APOL6: variants seen among roughly 807,000 people sequenced by gnomAD.
The protein encoded by APOL6 is apolipoprotein L, 6.
APOL6 carries 1 observed loss-of-function variant against 2.4 expected under a neutral mutation model. The observed-to-expected ratio is 0.41, with a 90% CI of 0.15 to 1.94. APOL6 has a LOEUF of 1.94. Ranked by LOEUF, APOL6 falls within the 30% of genes most tolerant of loss-of-function variation. The probability of loss-of-function intolerance (pLI) is 0.30; values close to 1 mark genes in which losing one functional copy is unlikely to be tolerated. For synonymous variants in APOL6, 189 were observed against 169.3 expected (o/e 1.12, Z -0.90); for missense variants, 438 against 429.2 (o/e 1.02, Z -0.18).
At chr22:35,650,214 A>T (rs1240704505) in intron 1 of APOL6, among the ~76,000 whole-genome samples, 2 of 152,220 alleles carry the variant, frequency 1.3e-5, no homozygotes, top group Non-Finnish European at 2.9e-5. Context: ...CTAGCTTCAC[A>T]TACCAAAGAG....
intron 1 of APOL6, among the ~76,000 whole-genome samples, chr22:35,651,714 A>G (rs1924702756): frequency 6.6e-6 from 1 of 152,190 alleles, no homozygotes; most frequent in African/African-American, 2.4e-5. Context: ...ATGTCCCTAC[A>G]AAGGACACGA....
rs146874383 is a variant in APOL6, at chr22:35,658,621, G to A, written c.57G>A (p.Glu19=). The change falls in exon 3 of 3, where the codon GAG becomes GAA. Residue 19 remains glutamate, a synonymous_variant. Transcript: ENST00000409652. ...SEAGVGLQRD[E]DDAPLCEDVE... ...TTATTTCATTTCTCCTCAGGGATGA[G>A]GATGACGCTCCTCTGTGTGAAGACG... 15 of 1,606,484 alleles carry A rather than the reference G, an allele frequency of 9.3e-6. No homozygotes were observed. The African/African-American group carries it at 2.0e-4, about 22-fold the overall frequency.
chr22:35,652,915 T>C (rs1924737188), intron 1 of APOL6, among the ~76,000 whole-genome samples: 2 of 151,966 alleles, frequency 1.3e-5, no homozygotes, highest in Admixed American at 6.6e-5. Context: ...TTAAAGTAGT[T>C]TTTTCCAATT....
In APOL6 at chr22:35,659,654, T is replaced by C; in HGVS notation, c.*58T>C. On this transcript the variant is annotated 3_prime_UTR_variant, in exon 3 of 3. Coordinates refer to ENST00000409652, the MANE Select transcript of APOL6 (RefSeq NM_030641.4). ...GGAGGTCCAAATAATATCAAGTACA[T>C]CTTGGAGATGAGGGTGCCTGTCCTG... is the stretch of plus-strand genomic sequence containing the variant. The C allele has an allele frequency of 6.7e-7, 1 of 1,500,622 alleles. No homozygotes were observed. Among genetic ancestry groups the C allele is most frequent in the Non-Finnish European group, 8.9e-7 (1 of 1,122,742 alleles). 93.0% of individuals were successfully genotyped at this position (1,500,622 alleles called of 1,614,324 possible).
chr22:35,658,765 T>G lies in APOL6; in HGVS notation c.201T>G (p.Ile67Met), dbSNP rs1307427072. 1 of 1,614,112 alleles carries G rather than the reference T, an allele frequency of 6.2e-7. No homozygotes were observed. Among genetic ancestry groups the G allele is most frequent in the Non-Finnish European group, 8.5e-7 (1 of 1,180,014 alleles). Residue 67 changes from isoleucine (I) to methionine (M), a missense_variant, in exon 3 of 3, where the codon ATT becomes ATG. Physicochemically the swap from Ile to Met is conservative, Grantham distance 10. Coordinates refer to ENST00000409652, the MANE Select transcript of APOL6 (RefSeq NM_030641.4). Reference sequence around the variant, plus strand: ...AGCTCCGTGCCCTCGCAGACGATATTGACAAAACCCACAAGAAATTCACCA... The same window carrying G: ...AGCTCCGTGCCCTCGCAGACGATATGGACAAAACCCACAAGAAATTCACCA... ...IDKLRALADDIDKTHKKFTKA... is the reference protein window; with the variant it reads ...IDKLRALADDMDKTHKKFTKA...
Position 35,668,156 on chromosome 22 carries a change from A to G in APOL6, c.*8560A>G, listed in dbSNP as rs2145965097. 1 of 152,312 alleles carries G rather than the reference A, an allele frequency of 6.6e-6. No individual in the cohort carries two copies. The highest frequency in any genetic ancestry group is 2.4e-5 in the African/African-American group (1 of 41,586). 9.4% of individuals were successfully genotyped at this position (152,312 alleles called of 1,614,324 possible). A position where few individuals can be genotyped will look rare whatever the true frequency, so the allele number is the denominator to read the frequency against. Reference sequence around the variant, plus strand: ...CTTTCTATCGATAATTACTCTTTCAACCAATTGCCAATCAGAAAATTGTTA... The same window carrying G: ...CTTTCTATCGATAATTACTCTTTCAGCCAATTGCCAATCAGAAAATTGTTA... On this transcript the variant is annotated 3_prime_UTR_variant, in exon 3 of 3. Transcript: ENST00000409652.
Position 35,659,397 on chromosome 22 carries a change from T to G in APOL6, c.833T>G (p.Leu278Arg). 1 of 1,613,614 alleles carries G rather than the reference T, an allele frequency of 6.2e-7. No individual in the cohort carries two copies. The highest frequency in any genetic ancestry group is 8.5e-7 in the Non-Finnish European group (1 of 1,179,972). Residue 278 changes from leucine (L) to arginine (R), a missense_variant, in exon 3 of 3, where the codon CTG (leucine) becomes CGG (arginine). By Grantham distance (102) the Leu-to-Arg change is moderately radical. Coordinates refer to ENST00000409652, the MANE Select transcript of APOL6 (RefSeq NM_030641.4). ...GAGTTGAGAGCCAAGGCCTTGGAGC[T>G]GGAGAGGAAACTCACAGAACTCACC... ...AEELRAKALE[L>R]ERKLTELTQL...
chr22:35,659,234 G>C lies in APOL6; in HGVS notation c.670G>C (p.Gly224Arg), dbSNP rs201669216. The change falls in exon 3 of 3, where the codon GGA becomes CGA. Residue 224 changes from glycine (G) to arginine (R), a missense_variant. Gly to Arg is a moderately radical substitution (Grantham distance 125, BLOSUM62 -2). Transcript: ENST00000409652. ...SRVQVQKAFA[G>R]TTLAMTKNAR... Reference sequence around the variant, plus strand: ...CGTGCAGGTGCAAAAGGCCTTTGCGGGAACAACACTGGCGATGACCAAAAA... The same window carrying C: ...CGTGCAGGTGCAAAAGGCCTTTGCGCGAACAACACTGGCGATGACCAAAAA... The C allele has an allele frequency of 6.2e-7, 1 of 1,614,180 alleles. No individual in the cohort carries two copies. The highest frequency in any genetic ancestry group is 2.2e-5 in the East Asian group (1 of 44,876).
intron 2 of APOL6, among the ~76,000 whole-genome samples, chr22:35,657,140 T>G (rs190146232): frequency 4.6e-5 from 7 of 152,340 alleles, no homozygotes; most frequent in African/African-American, 1.7e-4. Context: ...TCATACACAG[T>G]GGCGTTGTTG....
In APOL6 at chr22:35,659,504, G is replaced by A. The variant is rs527259076; in HGVS notation, c.940G>A (p.Glu314Lys). 3.0e-5 allele frequency: 49 copies of A among 1,614,162 alleles called. 1 individual carries two copies. Among genetic ancestry groups the A allele is most frequent in the South Asian group, 1.5e-4 (14 of 91,088 alleles). The change falls in exon 3 of 3, where the codon GAG (glutamate) becomes AAG (lysine). Residue 314 changes from glutamate to lysine, a missense_variant. By Grantham distance (56) the Glu-to-Lys change is moderately conservative. Coordinates refer to ENST00000409652, the MANE Select transcript of APOL6 (RefSeq NM_030641.4). ...GGATTTAACTGGGACCTGCGAAACC[G>A]AGGCTTACTGGAAGGAGTTAAGGGA... ...GKDLTGTCET[E>K]AYWKELREHV...
chr22:35,659,201 C>A lies in APOL6; in HGVS notation c.637C>A (p.Arg213=), dbSNP rs752403368. ...TCTGACCACTGGCCAAGTCTCCTCC[C>A]GGAGCCGCGTGCAGGTGCAAAAGGC... is the stretch of plus-strand genomic sequence containing the variant. The part of the protein sequence containing the change: ...RLLTTGQVSS[R]SRVQVQKAFA... Residue 213 remains arginine (R), a synonymous_variant, in exon 3 of 3, where the codon CGG becomes AGG. Coordinates refer to ENST00000409652, the MANE Select transcript of APOL6 (RefSeq NM_030641.4). 1 of 1,614,068 alleles carries A rather than the reference C, an allele frequency of 6.2e-7. No homozygotes were observed. Among genetic ancestry groups the A allele is most frequent in the Non-Finnish European group, 8.5e-7 (1 of 1,180,044 alleles).
At position 35,659,424 on chromosome 22, in the gene APOL6, A is replaced by C. The variant is rs1490417626; in HGVS notation, c.860A>C (p.Gln287Pro). The change falls in exon 3 of 3, where the codon CAG (glutamine) becomes CCG (proline). Residue 287 changes from glutamine (Q) to proline (P), a missense_variant. Physicochemically the swap from Gln to Pro is moderately conservative, Grantham distance 76 (BLOSUM62 -1). Coordinates refer to ENST00000409652, the MANE Select transcript of APOL6 (RefSeq NM_030641.4). ...GAGAGGAAACTCACAGAACTCACCC[A>C]GCTCTACAAGAGCTTGCAGCAGAAA... Reference protein sequence around the residue: ...ELERKLTELTQLYKSLQQKVR... With the variant: ...ELERKLTELTPLYKSLQQKVR... 3.7e-6 allele frequency: 6 copies of C among 1,614,020 alleles called. No homozygotes were observed. The South Asian group carries it at 6.6e-5, about 18-fold the overall frequency.
rs1483119803 is a variant in APOL6 at position 35,648,474 on chromosome 22, C to T, written c.-197C>T. ...TTTGCAATCAATTCCTGTTCAAAGG[C>T]CACCCTACTCTTCCTATCCGTCTTT... On this transcript the variant is annotated 5_prime_UTR_variant, in exon 1 of 3. Coordinates refer to ENST00000409652, the MANE Select transcript of APOL6 (RefSeq NM_030641.4). 2 of 152,460 alleles carry T rather than the reference C, an allele frequency of 1.3e-5. No individual in the cohort carries two copies. Among genetic ancestry groups the T allele is most frequent in the African/African-American group, 2.4e-5 (1 of 41,474 alleles). The allele number at this position is 152,460 out of a possible 1,614,324, so 9.4% of individuals were successfully genotyped here.
chr22:35,658,918 A>C lies in APOL6; in HGVS notation c.354A>C (p.Thr118=), dbSNP rs768396653. Reference sequence around the variant, plus strand: ...CCACCGCTGGTCAAGGTTTGGCAACAGCAGCTGGGGTCACCAGCATCGTGA... The same window carrying C: ...CCACCGCTGGTCAAGGTTTGGCAACCGCAGCTGGGGTCACCAGCATCGTGA... ...LLSTAGQGLA[T]AAGVTSIVSG... The change falls in exon 3 of 3, where the codon ACA becomes ACC. Residue 118 remains threonine, a synonymous_variant. Transcript: ENST00000409652. The C allele has an allele frequency of 9.3e-6, 15 of 1,613,932 alleles. No homozygotes were observed. The highest frequency in any genetic ancestry group is 1.3e-5 in the Non-Finnish European group (15 of 1,180,042).
Position 35,664,016 on chromosome 22 carries a change from A to C in APOL6, c.*4420A>C, listed in dbSNP as rs975225360. ...AAAGTGCTTAAATCAGATACTAAAA[A>C]AGAAAAGGCTAGTCAAATGCTTTTT... is the stretch of plus-strand genomic sequence containing the variant. On this transcript the variant is annotated 3_prime_UTR_variant, in exon 3 of 3. Transcript: ENST00000409652. 4.6e-5 allele frequency: 7 copies of C among 152,224 alleles called. No individual in the cohort carries two copies. The highest frequency in any genetic ancestry group is 1.7e-4 in the African/African-American group (7 of 41,468). 9.4% of individuals were successfully genotyped at this position (152,224 alleles called of 1,614,324 possible).
At chr22:35,656,272 A>T (rs911132237) in intron 1 of APOL6, 107 bp from the exon 2 acceptor site, 4 of 811,820 alleles carry the variant, frequency 4.9e-6, no homozygotes, top group Non-Finnish European at 8.4e-6. Context: ...TTAGTATGCT[A>T]TGTGGTTGTT....
intron 1 of APOL6, among the ~76,000 whole-genome samples, chr22:35,652,573 A>G (rs1400468912): frequency 3.3e-5 from 5 of 152,174 alleles, no homozygotes; most frequent in South Asian, 2.1e-4. Context: ...TAATTTTTGT[A>G]TAAGGTGTAA....
chr22:35,665,868 G>A lies in APOL6; in HGVS notation c.*6272G>A, dbSNP rs1925164893. 1 of 152,070 alleles carries A rather than the reference G, an allele frequency of 6.6e-6. No individual in the cohort carries two copies. Among genetic ancestry groups the A allele is most frequent in the African/African-American group, 2.4e-5 (1 of 41,416 alleles). The allele number at this position is 152,070 out of a possible 1,614,324, so 9.4% of individuals were successfully genotyped here. A position where few individuals can be genotyped will look rare whatever the true frequency, so the allele number is the denominator to read the frequency against. On this transcript the variant is annotated 3_prime_UTR_variant, in exon 3 of 3. Coordinates refer to ENST00000409652, the MANE Select transcript of APOL6 (RefSeq NM_030641.4). ...TAATGTCAAGTGTTTTAAACCTTTT[G>A]TATTTGACAAGCTTTCCAAAATCAA...
intron 1 of APOL6, among the ~76,000 whole-genome samples, chr22:35,653,330 A>G (rs905991601): frequency 9.8e-5 from 15 of 152,356 alleles, no homozygotes; most frequent in African/African-American, 2.9e-4. Context: ...ATATACAATC[A>G]TGTCATCTGC....
Sources: allele counts gnomAD v4.1 joint callset (sites outside exome capture counted in the v4.1 genomes callset), GRCh38; gene constraint gnomAD v4.1.1; transcripts MANE v1.5; gene names NCBI Gene and HGNC (gene_info 2026-07-23, HGNC 2026-07-21).